KCNH5: variants seen among roughly 807,000 people sequenced by gnomAD.
KCNH5 encodes the protein potassium voltage-gated channel subfamily H member 5.
A neutral mutation model predicts 96.1 loss-of-function variants in KCNH5; 46 were observed. That is an observed-to-expected ratio of 0.48 (90% CI 0.38 to 0.61). KCNH5 has a LOEUF of 0.61. Ranked by LOEUF, KCNH5 falls within the 20% of genes least tolerant of loss-of-function variation. The probability of loss-of-function intolerance (pLI) is 0.00; values close to 1 mark genes in which losing one functional copy is unlikely to be tolerated. For synonymous variants in KCNH5, 439 were observed against 449.8 expected (o/e 0.98, Z 0.30); for missense variants, 907 against 1,225.8 (o/e 0.74, Z 3.88).
intron 7 of KCNH5, among the ~76,000 whole-genome samples, chr14:62,919,781 T>G (rs1889345914): frequency 6.6e-6 from 1 of 151,996 alleles, no homozygotes; most frequent in Non-Finnish European, 1.5e-5. Context: ...ATGTGTCACC[T>G]AAGGACACTG....
intron 10 of KCNH5, among the ~76,000 whole-genome samples, chr14:62,744,880 T>C (rs1434917567): frequency 6.6e-6 from 1 of 152,100 alleles, no homozygotes; most frequent in East Asian, 1.9e-4. Flanking sequence ...ATCAGAATCC[T>C]TGGGAAAAAA....
At chr14:62,786,539 G>A (rs1886324491) in intron 9 of KCNH5, among the ~76,000 whole-genome samples, 1 of 152,112 alleles carries the variant, frequency 6.6e-6, no homozygotes, top group Non-Finnish European at 1.5e-5. Context: ...TGAGATGAAA[G>A]CAGCTAAAAT....
intron 10 of KCNH5, among the ~76,000 whole-genome samples, chr14:62,739,533 T>C (rs1248003321): frequency 2.0e-5 from 3 of 152,120 alleles, no homozygotes; most frequent in Non-Finnish European, 4.4e-5. Context: ...TTTGAGTCAT[T>C]TGAAAAACAA....
At chr14:62,962,631 T>C (rs4902195) in intron 6 of KCNH5, among the ~76,000 whole-genome samples, 58,330 of 151,998 alleles carry the variant, frequency 0.38, 13,798 homozygotes, top group South Asian at 0.74. Context: ...TTGAGTCACC[T>C]ACAGAGGAAG....
At position 62,730,634 on chromosome 14, in the gene KCNH5, T is replaced by G. The variant is rs75590472; in HGVS notation, c.2020-22179A>C. Among the ~76,000 whole-genome samples, 63 of 152,344 alleles carry G rather than the reference T, an allele frequency of 4.1e-4. 1 individual carries two copies. In the East Asian group the frequency reaches 0.011, roughly 27 times the overall value. On this transcript the variant is annotated intron_variant, in intron 10 of 10. Coordinates refer to ENST00000322893, the MANE Select transcript of KCNH5 (RefSeq NM_139318.5). ...GATATTAGCAGAAGCAAGAAACCTCTTTCCTCATCTATCAAGAACAACAAC... is the reference window on the plus strand; with the variant it reads ...GATATTAGCAGAAGCAAGAAACCTCGTTCCTCATCTATCAAGAACAACAAC...
At chr14:62,716,403 G>A (rs993221640) in intron 10 of KCNH5, among the ~76,000 whole-genome samples, 2 of 152,118 alleles carry the variant, frequency 1.3e-5, no homozygotes, top group African/African-American at 4.8e-5. Flanking sequence ...AAACTCCTTA[G>A]TAAGAAGTCA....
At chr14:62,895,191 T>C (rs1480216818) in intron 7 of KCNH5, among the ~76,000 whole-genome samples, 1 of 152,218 alleles carries the variant, frequency 6.6e-6, no homozygotes, top group Non-Finnish European at 1.5e-5. Flanking sequence ...ATATTACAAT[T>C]AAGTGTTCTT....
At chr14:62,866,516 G>A (rs995268803) in intron 7 of KCNH5, among the ~76,000 whole-genome samples, 5 of 152,018 alleles carry the variant, frequency 3.3e-5, no homozygotes, top group Admixed American at 6.6e-5. Context: ...TCATTCTACC[G>A]GGCACATCAT....
At chr14:62,747,011 T>C (rs1044399201) in intron 10 of KCNH5, among the ~76,000 whole-genome samples, 1 of 152,252 alleles carries the variant, frequency 6.6e-6, no homozygotes, top group Non-Finnish European at 1.5e-5. Context: ...AAAAGTGCAA[T>C]TCAAATTTAG....
chr14:62,763,005 A>T (rs1055175450), intron 10 of KCNH5, among the ~76,000 whole-genome samples: 1 of 152,168 alleles, frequency 6.6e-6, no homozygotes, highest in Non-Finnish European at 1.5e-5. Context: ...ACTAACACAG[A>T]TATTTAGGAC....
chr14:62,962,919 C>G (rs1295050972), intron 6 of KCNH5, among the ~76,000 whole-genome samples: 3 of 152,150 alleles, frequency 2.0e-5, no homozygotes, highest in Non-Finnish European at 2.9e-5. Context: ...ATTATCTGCT[C>G]CTGCTCCTGA....
chr14:62,788,949 C>G (rs1886375685), intron 9 of KCNH5, among the ~76,000 whole-genome samples: 1 of 151,966 alleles, frequency 6.6e-6, no homozygotes, highest in Non-Finnish European at 1.5e-5. Context: ...TGGTCTGGTA[C>G]CAAACCAACA....
intron 4 of KCNH5, among the ~76,000 whole-genome samples, chr14:62,991,572 C>T (rs1387783545): frequency 6.6e-6 from 1 of 151,934 alleles, no homozygotes. Context: ...TCAAAATGCC[C>T]TAGAACATGG....
chr14:62,910,681 A>C (rs1889131598), intron 7 of KCNH5, among the ~76,000 whole-genome samples: 1 of 152,130 alleles, frequency 6.6e-6, no homozygotes, highest in Non-Finnish European at 1.5e-5. Context: ...AAAACTACAA[A>C]ATGTTTCTCC....
chr14:62,970,879 G>GAA (rs895299868), intron 6 of KCNH5, among the ~76,000 whole-genome samples: 1 of 140,826 alleles, frequency 7.1e-6, no homozygotes, highest in African/African-American at 2.6e-5. Context: ...CCAAAAAAAA[G>GAA]AAAAAAAAAA....
At chr14:62,883,874 G>A (rs1012298622) in intron 7 of KCNH5, among the ~76,000 whole-genome samples, 2 of 152,088 alleles carry the variant, frequency 1.3e-5, no homozygotes, top group African/African-American at 2.4e-5. Flanking sequence ...TTAAGCCACA[G>A]AGGCAAAGGT....
Position 63,003,499 on chromosome 14 carries a change from T to C in KCNH5, c.305-2040A>G, listed in dbSNP as rs1408883077. ...ATATATATTTTATATATATTATATA[T>C]ATATTTTATATATATTTTATATATT... On this transcript the variant is annotated intron_variant, in intron 3 of 10. Transcript: ENST00000322893. Among the ~76,000 whole-genome samples the C allele has an allele frequency of 5.3e-3, 667 of 126,694 alleles. 11 individuals carry two copies. Among genetic ancestry groups the C allele is most frequent in the African/African-American group, 0.02 (624 of 31,714 alleles). 83.1% of individuals were successfully genotyped at this position (126,694 alleles called of 152,430 possible).
chr14:62,832,113 G>A (rs898006973), intron 8 of KCNH5, among the ~76,000 whole-genome samples: 13 of 151,998 alleles, frequency 8.6e-5, no homozygotes, highest in South Asian at 2.1e-4. Context: ...CATAAAAATC[G>A]TCTATATATT....
intron 8 of KCNH5, among the ~76,000 whole-genome samples, chr14:62,815,191 G>A (rs1476182111): frequency 6.6e-6 from 1 of 152,126 alleles, no homozygotes; most frequent in Non-Finnish European, 1.5e-5. Context: ...ATACAAAAGA[G>A]TATACTCTAT....
Sources: allele counts gnomAD v4.1 joint callset (sites outside exome capture counted in the v4.1 genomes callset), GRCh38; gene constraint gnomAD v4.1.1; transcripts MANE v1.5; gene names NCBI Gene and HGNC (gene_info 2026-07-23, HGNC 2026-07-21).